SESN2: variants seen among roughly 807,000 people sequenced by gnomAD.
SESN2 encodes the protein sestrin-2.
SESN2 carries 42 observed loss-of-function variants against 56.0 expected under a neutral mutation model. That is an observed-to-expected ratio of 0.75 (90% CI 0.59 to 0.97). The LOEUF is 0.97. SESN2 is among the 50% of genes least tolerant of loss of function. SESN2 has a pLI of 0.00. For missense variants in SESN2, 507 were observed against 649.4 expected (o/e 0.78, Z 2.38); for synonymous variants, 264 against 267.1 (o/e 0.99, Z 0.11).
chr1:28,269,482 C>CTT (rs200677945), intron 2 of SESN2, among the ~76,000 whole-genome samples: 2 of 146,386 alleles, frequency 1.4e-5, no homozygotes, highest in Non-Finnish European at 3.0e-5. Context: ...AGTGGCCAAA[C>CTT]TTTTTTTTTT....
intron 1 of SESN2, among the ~76,000 whole-genome samples, chr1:28,263,469 GAA>G (rs1647452831): frequency 6.6e-6 from 1 of 152,166 alleles, no homozygotes; most frequent in South Asian, 2.1e-4. Flanking sequence ...ATAAACCCAG[GAA>G]AATATCTGAA....
At chr1:28,266,549 G>A (rs1309645774) in intron 1 of SESN2, among the ~76,000 whole-genome samples, 1 of 143,730 alleles carries the variant, frequency 7.0e-6, no homozygotes, top group African/African-American at 2.5e-5. Flanking sequence ...TGTGTCAAGA[G>A]CCCCATCTTT....
In SESN2 at chr1:28,259,955, G is replaced by T; in HGVS notation, c.90+18G>T. The T allele has an allele frequency of 6.7e-7, 1 of 1,491,742 alleles. No homozygotes were observed. The highest frequency in any genetic ancestry group is 1.2e-5 in the South Asian group (1 of 80,938). The allele number at this position is 1,491,742 out of a possible 1,614,324, so 92.4% of individuals were successfully genotyped here. ...CCGGAGAGGTAAGCGGCGGCCGCGC[G>T]ACGCCCCTCTTCCCTGGAACCCCGA... is the stretch of plus-strand genomic sequence containing the variant. On this transcript the variant is annotated intron_variant, in intron 1 of 9. Transcript: ENST00000253063.
At chr1:28,269,128 T>C in intron 1 of SESN2, 55 bp from the exon 2 acceptor site, 2 of 1,313,044 alleles carry the variant, frequency 1.5e-6, no homozygotes, top group African/African-American at 1.5e-5. Context: ...GGATAGGTAA[T>C]AATCCTCTTT....
At chr1:28,262,620 T>G (rs1358331227) in intron 1 of SESN2, among the ~76,000 whole-genome samples, 1 of 24,088 alleles carries the variant, frequency 4.2e-5, no homozygotes, top group Non-Finnish European at 7.1e-5. Flanking sequence ...AGAGTCTGTC[T>G]CAAAAAAAAA....
chr1:28,261,283 C>T (rs1192709516), intron 1 of SESN2, among the ~76,000 whole-genome samples: 1 of 152,152 alleles, frequency 6.6e-6, no homozygotes, highest in Admixed American at 6.5e-5. Flanking sequence ...AATGGCTCTT[C>T]TCCTGCAGCT....
intron 3 of SESN2, 63 bp downstream of exon 3, chr1:28,271,934 T>C (rs1647794199): frequency 1.3e-6 from 2 of 1,488,464 alleles, no homozygotes; most frequent in African/African-American, 1.4e-5. Flanking sequence ...TCCTTTGATC[T>C]CTTTTCTGGG....
Position 28,278,524 on chromosome 1 carries a change from G to A in SESN2, c.1212-573G>A, listed in dbSNP as rs187246558. Among the ~76,000 whole-genome samples the A allele has an allele frequency of 1.4e-4, 22 of 152,308 alleles. No homozygotes were observed. In the East Asian group the frequency reaches 3.5e-3, roughly 24 times the overall value. Reference sequence around the variant, plus strand: ...TGAGGTTGCGGTGAGCCGAGATCACGCCATTGCACTCCAGCCTGTGCAACA... The same window carrying A: ...TGAGGTTGCGGTGAGCCGAGATCACACCATTGCACTCCAGCCTGTGCAACA... On this transcript the variant is annotated intron_variant, in intron 8 of 9. Coordinates refer to ENST00000253063, the MANE Select transcript of SESN2 (RefSeq NM_031459.5).
chr1:28,279,920 T>G (rs1451587116), intron 9 of SESN2, among the ~76,000 whole-genome samples: 1 of 152,018 alleles, frequency 6.6e-6, no homozygotes, highest in African/African-American at 2.4e-5. Context: ...GCGGTGTGAT[T>G]TCGGCTCGCT....
chr1:28,278,811 A>G (rs1648135505), intron 8 of SESN2, among the ~76,000 whole-genome samples: 3 of 152,228 alleles, frequency 2.0e-5, no homozygotes, highest in African/African-American at 7.2e-5. Context: ...CCATCCAGTC[A>G]TGTACACAGT....
In SESN2 at chr1:28,273,390, G is replaced by C; in HGVS notation, c.783G>C (p.Leu261=). ...AGTCTGCCCGCGACGTGGAGGCGCT[G>C]ATGGAGCGCATGCAGCAGCTGCAGG... ...GFESARDVEA[L]MERMQQLQES... is the part of the protein sequence containing the mutation. The change falls in exon 6 of 10, where the codon CTG becomes CTC. Residue 261 remains leucine, a synonymous_variant. Transcript: ENST00000253063. The C allele has an allele frequency of 6.2e-7, 1 of 1,608,470 alleles. No homozygotes were observed. The highest frequency in any genetic ancestry group is 2.2e-5 in the East Asian group (1 of 44,856).
intron 1 of SESN2, among the ~76,000 whole-genome samples, chr1:28,263,168 C>T (rs1647440070): frequency 6.6e-6 from 1 of 152,208 alleles, no homozygotes; most frequent in Non-Finnish European, 1.5e-5. Flanking sequence ...TTAGCTGACC[C>T]TTGTGAACTA....
intron 9 of SESN2, among the ~76,000 whole-genome samples, chr1:28,279,545 GTTTT>G (rs995954344): frequency 6.6e-6 from 1 of 151,260 alleles, no homozygotes; most frequent in African/African-American, 2.4e-5. Context: ...ATCTCGCTGA[GTTTT>G]TTTGTTTTTT....
Position 28,272,497 on chromosome 1 carries a change from G to A in SESN2, c.537+31G>A, listed in dbSNP as rs373932732. On this transcript the variant is annotated intron_variant, in intron 4 of 9. Transcript: ENST00000253063. ...GGGGGCAGAGAGGCGGGTGTCTGAG[G>A]GAGCACAGAGGCCTGGCTGGTGCCT... is the stretch of plus-strand genomic sequence containing the variant. 8.7e-6 allele frequency: 14 copies of A among 1,609,712 alleles called. No homozygotes were observed. The East Asian group carries it at 8.9e-5, about 10-fold the overall frequency.
chr1:28,280,703 C>G lies in SESN2; in HGVS notation c.1357-13C>G. On this transcript the variant is annotated splice_polypyrimidine_tract_variant and intron_variant, in intron 9 of 9. Coordinates refer to ENST00000253063, the MANE Select transcript of SESN2 (RefSeq NM_031459.5). Reference sequence around the variant, plus strand: ...TGACATCAGTTGCCAACATGCCTTCCTCTGTGCCCCAGGTCCACGTGAACT... The same window carrying G: ...TGACATCAGTTGCCAACATGCCTTCGTCTGTGCCCCAGGTCCACGTGAACT... The G allele has an allele frequency of 6.2e-7, 1 of 1,610,672 alleles. No homozygotes were observed. The highest frequency in any genetic ancestry group is 1.3e-5 in the African/African-American group (1 of 75,008).
chr1:28,270,349 T>G (rs1382179199), intron 2 of SESN2, among the ~76,000 whole-genome samples: 2 of 144,332 alleles, frequency 1.4e-5, no homozygotes, highest in African/African-American at 5.1e-5. Flanking sequence ...AGACTCCGTC[T>G]CAAAAAAAAA....
rs192766941 is a variant in SESN2 at position 28,274,730 on chromosome 1, A to G, written c.1021-95A>G. The G allele has an allele frequency of 2.4e-5, 23 of 966,810 alleles. No individual in the cohort carries two copies. In the Admixed American group the frequency reaches 3.1e-4, roughly 13 times the overall value. The allele number at this position is 966,810 out of a possible 1,614,324, so 59.9% of individuals were successfully genotyped here. A position where few individuals can be genotyped will look rare whatever the true frequency, so the allele number is the denominator to read the frequency against. ...GCACGTTAGGTTTATGGCACCAGGA[A>G]GGAGAATCATGGAGATCCCAGGTCC... On this transcript the variant is annotated intron_variant, in intron 7 of 9. Transcript: ENST00000253063.
At chr1:28,266,810 AGTG>A (rs1354482124) in intron 1 of SESN2, among the ~76,000 whole-genome samples, 2 of 152,112 alleles carry the variant, frequency 1.3e-5, no homozygotes, top group Non-Finnish European at 2.9e-5. Flanking sequence ...CTCTTGCCTC[AGTG>A]TCCCAACGTG....
Position 28,273,489 on chromosome 1 carries a change from C to T in SESN2, c.882C>T (p.Ser294=). ...GCTTTGAGCTGGAGAAGTCAGAGAG[C>T]CTGCTGGTGACCCCCTCAGGTACAG... is the stretch of plus-strand genomic sequence containing the variant. ...ESRFELEKSE[S]LLVTPSADIL... The change falls in exon 6 of 10, where the codon AGC becomes AGT. Residue 294 remains serine, a synonymous_variant. Coordinates refer to ENST00000253063, the MANE Select transcript of SESN2 (RefSeq NM_031459.5). 6.2e-7 allele frequency: 1 copy of T among 1,608,156 alleles called. No individual in the cohort carries two copies. Among genetic ancestry groups the T allele is most frequent in the Non-Finnish European group, 8.5e-7 (1 of 1,177,784 alleles).
Sources: gnomAD v4.1 joint callset for allele counts (sites outside exome capture counted in the v4.1 genomes callset) on GRCh38, gnomAD v4.1.1 for gene constraint, MANE v1.5 for transcripts, NCBI Gene and HGNC (gene_info 2026-07-23, HGNC 2026-07-21) for gene names.